Variants in PDE4D observed in about 807,000 individuals in gnomAD.
PDE4D encodes 3',5'-cyclic-AMP phosphodiesterase 4D.
A neutral mutation model predicts 87.4 loss-of-function variants in PDE4D; 24 were observed. That is an observed-to-expected ratio of 0.27 (90% confidence interval 0.20 to 0.39). The LOEUF is 0.39. Among genes scored for constraint, PDE4D ranks in the 10% least tolerant of loss-of-function variants. The probability of loss-of-function intolerance (pLI) is 1.00; values close to 1 mark genes in which losing one functional copy is unlikely to be tolerated. For missense variants in PDE4D, 714 were observed against 1,041.0 expected, an observed-to-expected ratio of 0.69 and a Z score of 4.32; for synonymous variants, 384 against 383.2, an observed-to-expected ratio of 1.00 and a Z score of -0.02.
chr5:59,199,332 AT>A (rs1042225165), intron 2 of PDE4D, among the ~76,000 whole-genome samples: 28 of 148,728 alleles, frequency 1.9e-4, no homozygotes, highest in African/African-American at 6.7e-4. Flanking sequence ...GGCTGAAGTG[AT>A]CTTCCTGTCT....
At chr5:59,261,275 A>G (rs930603509) in intron 1 of PDE4D, among the ~76,000 whole-genome samples, 12 of 151,774 alleles carry the variant, frequency 7.9e-5, no homozygotes, top group African/African-American at 2.9e-4. Flanking sequence ...TCCATTCGAA[A>G]GTTTTTGTTA....
chr5:59,499,499 A>C (rs566116789), intron 1 of PDE4D, among the ~76,000 whole-genome samples: 1 of 142,066 alleles, frequency 7.0e-6, no homozygotes, highest in Non-Finnish European at 1.5e-5. Flanking sequence ...TTGTTCTTGG[A>C]AAGGATAAAA....
intron 2 of PDE4D, among the ~76,000 whole-genome samples, chr5:60,114,575 T>G (rs1384683703): frequency 1.3e-5 from 2 of 152,096 alleles, no homozygotes; most frequent in Non-Finnish European, 2.9e-5. Flanking sequence ...TTACTGAATC[T>G]GGTTCCCAAT....
At chr5:59,541,213 C>T (rs981151361) in intron 1 of PDE4D, among the ~76,000 whole-genome samples, 14 of 152,104 alleles carry the variant, frequency 9.2e-5, no homozygotes, top group African/African-American at 2.2e-4. Context: ...AAATAGAAGG[C>T]GCTCAGTATG....
chr5:59,427,135 C>T (rs1232919390), intron 1 of PDE4D, among the ~76,000 whole-genome samples: 6 of 151,402 alleles, frequency 4.0e-5, no homozygotes, highest in African/African-American at 1.5e-4. Context: ...TGACAAAATG[C>T]ATGATCCCCA....
chr5:59,475,498 C>T (rs1336233375), intron 1 of PDE4D, among the ~76,000 whole-genome samples: 1 of 152,046 alleles, frequency 6.6e-6, no homozygotes, highest in Non-Finnish European at 1.5e-5. Flanking sequence ...TTTTACTTTT[C>T]CCACCTTAAA....
chr5:59,768,719 C>T (rs1763127529), intron 1 of PDE4D: 1 of 1,220,648 alleles, frequency 8.2e-7, no homozygotes, highest in Non-Finnish European at 1.1e-6. Context: ...CACCCCTCCT[C>T]TCCCAAGCCC....
chr5:59,936,795 C>T (rs977416), intron 3 of PDE4D, among the ~76,000 whole-genome samples: 133,551 of 152,300 alleles, frequency 0.88, 58,739 homozygotes, highest in East Asian at 0.98. Context: ...GAGAAAGACA[C>T]TCATGGCATA....
chr5:59,386,472 A>T (rs981777253), intron 1 of PDE4D, among the ~76,000 whole-genome samples: 2 of 152,142 alleles, frequency 1.3e-5, no homozygotes, highest in South Asian at 2.1e-4. Flanking sequence ...GAGTAATTAG[A>T]CCATTCCCCT....
intron 5 of PDE4D, among the ~76,000 whole-genome samples, chr5:59,043,292 G>C (rs1168897316): frequency 6.6e-6 from 1 of 152,214 alleles, no homozygotes; most frequent in Non-Finnish European, 1.5e-5. Flanking sequence ...GGGAGGCCAA[G>C]GCGGGCAGAT....
chr5:59,595,946 T>A (rs1299392738), intron 1 of PDE4D, among the ~76,000 whole-genome samples: 1 of 152,040 alleles, frequency 6.6e-6, no homozygotes, highest in Non-Finnish European at 1.5e-5. Flanking sequence ...CCATATATAT[T>A]GTCAATCTAA....
chr5:59,613,532 G>T (rs1300122394), intron 1 of PDE4D, among the ~76,000 whole-genome samples: 1 of 152,126 alleles, frequency 6.6e-6, no homozygotes, highest in Non-Finnish European at 1.5e-5. Context: ...ACTAAGCTTG[G>T]GACATGTCCA....
At chr5:59,807,230 C>A (rs1767841010) in intron 1 of PDE4D, among the ~76,000 whole-genome samples, 3 of 152,220 alleles carry the variant, frequency 2.0e-5, no homozygotes, top group Non-Finnish European at 4.4e-5. Context: ...AGAAGGCCCA[C>A]TCTTTCCCTT....
At chr5:60,405,789 A>G (rs1741476974) in intron 1 of PDE4D, among the ~76,000 whole-genome samples, 1 of 152,254 alleles carries the variant, frequency 6.6e-6, no homozygotes. Flanking sequence ...CTAGATAGTG[A>G]TTATTATTCC....
At chr5:59,545,768 A>G (rs1817164322) in intron 1 of PDE4D, among the ~76,000 whole-genome samples, 1 of 152,194 alleles carries the variant, frequency 6.6e-6, no homozygotes, top group African/African-American at 2.4e-5. Context: ...CAATATAAAT[A>G]TAATCATGAG....
At chr5:59,334,247 GTTTTTTTTTTT>G (rs564248041) in intron 1 of PDE4D, among the ~76,000 whole-genome samples, 30 of 98,624 alleles carry the variant, frequency 3.0e-4, no homozygotes, top group Admixed American at 5.7e-4. Context: ...ATCCAGTGGA[GTTTTTTTTTTT>G]TTTTTTTTTT....
In PDE4D at chr5:59,230,066, C is replaced by T. The variant is rs536269070; in HGVS notation, c.456-14098G>A. Among the ~76,000 whole-genome samples, 96 of 152,284 alleles carry T rather than the reference C, an allele frequency of 6.3e-4. 1 individual carries two copies. Among genetic ancestry groups the T allele is most frequent in the Admixed American group, 1.3e-3 (20 of 15,292 alleles). ...CCTCCCAAAGTGCTGGGATTATAGG[C>T]GTGAGCCACCGTACCCAGCTGCACC... On this transcript the variant is annotated intron_variant, in intron 1 of 14. Coordinates refer to ENST00000340635, the MANE Select transcript of PDE4D (RefSeq NM_001104631.2).
chr5:59,426,876 T>C (rs1795303562), intron 1 of PDE4D, among the ~76,000 whole-genome samples: 1 of 152,038 alleles, frequency 6.6e-6, no homozygotes, highest in Admixed American at 6.6e-5. Flanking sequence ...TTTTATGAAA[T>C]TTTGTGCTTC....
intron 1 of PDE4D, among the ~76,000 whole-genome samples, chr5:60,216,092 C>T (rs1372723149): frequency 2.0e-5 from 3 of 152,052 alleles, no homozygotes; most frequent in Non-Finnish European, 4.4e-5. Flanking sequence ...CCTATTTTAC[C>T]AACAGGAGCA....
Sources: allele counts gnomAD v4.1 joint callset (sites outside exome capture counted in the v4.1 genomes callset), GRCh38; gene constraint gnomAD v4.1.1; transcripts MANE v1.5; gene names NCBI Gene and HGNC (gene_info 2026-07-23, HGNC 2026-07-21).